DOCK2: variants seen among roughly 807,000 people sequenced by gnomAD.
DOCK2 encodes dedicator of cytokinesis 2, also known as dedicator of cytokinesis protein 2.
Under a neutral mutation model 248.9 loss-of-function variants are expected in DOCK2, and 87 were observed. That is an observed-to-expected ratio of 0.35 (90% CI 0.29 to 0.42). The LOEUF is 0.42. Among genes scored for constraint, DOCK2 ranks in the 10% least tolerant of loss-of-function variants. The probability of loss-of-function intolerance (pLI) is 1.00; values close to 1 mark genes in which losing one functional copy is unlikely to be tolerated. For synonymous variants in DOCK2, 805 were observed against 821.6 expected, an observed-to-expected ratio of 0.98 and a Z score of 0.35; for missense variants, 1,747 against 2,300.2, an observed-to-expected ratio of 0.76 and a Z score of 4.92.
At chr5:169,884,019 T>A (rs1772827419) in intron 27 of DOCK2, 1 of 948,274 alleles carries the variant, frequency 1.1e-6, no homozygotes, top group Admixed American at 3.2e-5. Flanking sequence ...CAGGATGGAG[T>A]GGTCCTCTCC....
chr5:169,733,535 A>C (rs1238917229), intron 22 of DOCK2, among the ~76,000 whole-genome samples: 2 of 152,076 alleles, frequency 1.3e-5, no homozygotes, highest in Non-Finnish European at 2.9e-5. Context: ...TTTTAACCAC[A>C]ATTAAAAAAA....
rs948142825 is a variant in DOCK2 at position 170,038,346 on chromosome 5, G to A, written c.3665+1791G>A. On this transcript the variant is annotated intron_variant, in intron 36 of 51. Coordinates refer to ENST00000520908, the MANE Select transcript of DOCK2 (RefSeq NM_004946.3). ...CACAAGCTTTGGAGATTTGAGGCCC[G>A]TAGTAATCTAAGAAAACCATATTTA... 3.3e-5 allele frequency among the ~76,000 whole-genome samples: 5 copies of A among 152,152 alleles called. No homozygotes were observed. The East Asian group carries it at 5.8e-4, about 18-fold the overall frequency.
chr5:169,692,295 A>G (rs971709307), intron 9 of DOCK2, among the ~76,000 whole-genome samples: 1 of 152,184 alleles, frequency 6.6e-6, no homozygotes. Flanking sequence ...TAAAAGAAGC[A>G]CTAATGAGTT....
At chr5:169,727,964 A>G (rs1327627831) in intron 22 of DOCK2, among the ~76,000 whole-genome samples, 1 of 152,220 alleles carries the variant, frequency 6.6e-6, no homozygotes, top group African/African-American at 2.4e-5. Context: ...ACGGGTGATC[A>G]ATGGTGAAGC....
At chr5:169,890,248 A>C (rs1773206654) in intron 27 of DOCK2, among the ~76,000 whole-genome samples, 1 of 152,156 alleles carries the variant, frequency 6.6e-6, no homozygotes, top group Non-Finnish European at 1.5e-5. Context: ...ATGCATTTCT[A>C]AAGTGTAGGG....
At chr5:169,897,581 G>T (rs1773686784) in intron 27 of DOCK2, among the ~76,000 whole-genome samples, 1 of 152,210 alleles carries the variant, frequency 6.6e-6, no homozygotes, top group Non-Finnish European at 1.5e-5. Context: ...GGGAAGTAGG[G>T]TTGCCCTGTA....
chr5:169,685,142 C>T (rs1274582148), intron 8 of DOCK2, among the ~76,000 whole-genome samples: 1 of 152,214 alleles, frequency 6.6e-6, no homozygotes, highest in African/African-American at 2.4e-5. Context: ...CGAGTGCTGA[C>T]CTCACAGGGT....
chr5:169,668,083 C>T (rs993688112), intron 2 of DOCK2, among the ~76,000 whole-genome samples: 4 of 152,206 alleles, frequency 2.6e-5, no homozygotes, highest in Non-Finnish European at 5.9e-5. Context: ...AACCTACTAG[C>T]TGTGTGATCC....
At chr5:169,979,337 G>A (rs575621918) in intron 27 of DOCK2, among the ~76,000 whole-genome samples, 5 of 152,270 alleles carry the variant, frequency 3.3e-5, no homozygotes, top group African/African-American at 1.2e-4. Context: ...TTTAAGACAT[G>A]GTGGATATGG....
chr5:169,952,925 G>C (rs1331740623), intron 27 of DOCK2, among the ~76,000 whole-genome samples: 1 of 152,154 alleles, frequency 6.6e-6, no homozygotes, highest in African/African-American at 2.4e-5. Flanking sequence ...GCCTCAGATA[G>C]GGAGAAAACA....
intron 2 of DOCK2, among the ~76,000 whole-genome samples, chr5:169,666,477 G>A (rs775019685): frequency 1.3e-5 from 2 of 152,174 alleles, no homozygotes; most frequent in Non-Finnish European, 2.9e-5. Flanking sequence ...CGGGTTCTGG[G>A]ACATGGTAAA....
chr5:169,877,351 C>A (rs1268364115), intron 27 of DOCK2, among the ~76,000 whole-genome samples: 2 of 152,138 alleles, frequency 1.3e-5, no homozygotes, highest in Non-Finnish European at 2.9e-5. Flanking sequence ...AGACCTGTGT[C>A]AAAAAGGTCA....
chr5:169,669,802 G>A (rs2113282875), intron 3 of DOCK2, among the ~76,000 whole-genome samples: 1 of 152,272 alleles, frequency 6.6e-6, no homozygotes, highest in African/African-American at 2.4e-5. Context: ...TGCTTTGCTT[G>A]TCTCATTTTC....
At chr5:169,906,404 G>GAT (rs1428981952) in intron 27 of DOCK2, among the ~76,000 whole-genome samples, 1 of 152,146 alleles carries the variant, frequency 6.6e-6, no homozygotes, top group Non-Finnish European at 1.5e-5. Context: ...ACCATCATTT[G>GAT]GGCTTGGTAC....
Position 169,763,388 on chromosome 5 carries a change from G to T in DOCK2, c.2554+1763G>T, listed in dbSNP as rs74819556. ...ACATGACAAGGACGACTCTAGCTAC[G>T]CATATGGTGTGGCACAGGCAGCAGG... On this transcript the variant is annotated intron_variant, in intron 25 of 51. Coordinates refer to ENST00000520908, the MANE Select transcript of DOCK2 (RefSeq NM_004946.3). The surrounding 1 kb of genome is among the most constrained non-coding windows in gnomAD (Gnocchi z 4.1). Among the ~76,000 whole-genome samples, 780 of 152,340 alleles carry T rather than the reference G, an allele frequency of 5.1e-3. 10 individuals are homozygous for T. The highest frequency in any genetic ancestry group is 0.018 in the African/African-American group (758 of 41,578).
chr5:169,654,704 G>A (rs1189408737), intron 2 of DOCK2, among the ~76,000 whole-genome samples: 1 of 152,246 alleles, frequency 6.6e-6, no homozygotes, highest in African/African-American at 2.4e-5. Flanking sequence ...TTCGATGTTT[G>A]TTATGCTCTC....
chr5:169,778,787 G>A (rs1765528900), intron 25 of DOCK2, among the ~76,000 whole-genome samples: 1 of 152,170 alleles, frequency 6.6e-6, no homozygotes, highest in Non-Finnish European at 1.5e-5. Context: ...TTCACCTTGG[G>A]TGTATAACAA....
intron 14 of DOCK2, among the ~76,000 whole-genome samples, chr5:169,706,002 A>G (rs1475646400): frequency 6.6e-6 from 1 of 152,222 alleles, no homozygotes; most frequent in Non-Finnish European, 1.5e-5. Flanking sequence ...GTTATTTGAG[A>G]TATATACCAG....
intron 43 of DOCK2, 127 bp downstream of exon 43, chr5:170,056,895 G>A (rs1757149808): frequency 1.3e-6 from 1 of 797,100 alleles, no homozygotes; most frequent in Admixed American, 2.6e-5. Context: ...AACCTCCATG[G>A]ATACCATGAC....
Sources: gnomAD v4.1 joint callset for allele counts (sites outside exome capture counted in the v4.1 genomes callset) on GRCh38, gnomAD v4.1.1 for gene constraint, Gnocchi (gnomAD v3.1) non-coding constraint, MANE v1.5 for transcripts, NCBI Gene and HGNC (gene_info 2026-07-23, HGNC 2026-07-21) for gene names.